Variants in GARIN5A observed in about 807,000 individuals in gnomAD.
GARIN5A encodes the protein golgi associated RAB2 interactor 5A, also known as Golgi-associated RAB2 interactor protein 5A.
At chr19:50,475,459 G>C in the GARIN5A span, 24 of 1,602,018 alleles carry the variant, frequency 1.5e-5, no homozygotes, top group Non-Finnish European at 2.0e-5. Context: ...GAGTCACCTG[G>C]GGCCAGAGGT....
At chr19:50,475,810 G>C in the GARIN5A span, 2 of 1,552,202 alleles carry the variant, frequency 1.3e-6, no homozygotes, top group African/African-American at 1.4e-5. Context: ...GGCTGGGGAT[G>C]AGGGGGTTCT....
the GARIN5A span, among the ~76,000 whole-genome samples, chr19:50,472,107 C>CAT: frequency 1.0e-4 from 13 of 124,624 alleles, no homozygotes; most frequent in African/African-American, 3.8e-4. Context: ...TGTATATATA[C>CAT]GTGTGTATAT....
At chr19:50,470,111 G>A in the GARIN5A span, among the ~76,000 whole-genome samples, 20 of 152,332 alleles carry the variant, frequency 1.3e-4, no homozygotes, top group African/African-American at 4.6e-4. Flanking sequence ...AAACCAAGCC[G>A]TCTGAGGGCA....
the GARIN5A span, chr19:50,476,654 G>C: frequency 6.6e-7 from 1 of 1,526,642 alleles, no homozygotes; most frequent in South Asian, 1.2e-5. Flanking sequence ...ACTGGTGCGC[G>C]AGGGGTGAGT....
At chr19:50,475,846 C>G in the GARIN5A span, 2 of 1,613,290 alleles carry the variant, frequency 1.2e-6, no homozygotes, top group Non-Finnish European at 8.5e-7. Flanking sequence ...TACGAAGTTG[C>G]TCTCAAAGAT....
chr19:50,476,552 C>T, the GARIN5A span: 20 of 1,573,238 alleles, frequency 1.3e-5, no homozygotes, highest in Admixed American at 1.8e-5. Context: ...GAGATGGCGG[C>T]AGCCAGCGCT....
At chr19:50,476,353 C>T in the GARIN5A span, 6 of 1,574,762 alleles carry the variant, frequency 3.8e-6, no homozygotes, top group Admixed American at 1.8e-5. Context: ...CTGGAGGGGG[C>T]GGCTCCTGGA....
the GARIN5A span, chr19:50,467,568 C>T: frequency 6.5e-7 from 1 of 1,538,992 alleles, no homozygotes. Context: ...CCTCCCACTC[C>T]CTCTGGGCCT....
chr19:50,476,098 C>T, the GARIN5A span: 4 of 1,611,564 alleles, frequency 2.5e-6, no homozygotes, highest in South Asian at 3.3e-5. Flanking sequence ...TCACCAGGTC[C>T]AACCCCTCTA....
the GARIN5A span, chr19:50,476,622 G>A: frequency 2.6e-6 from 4 of 1,556,210 alleles, no homozygotes; most frequent in African/African-American, 5.5e-5. Flanking sequence ...GTCGAGCCCG[G>A]GGCAGCGGCT....
the GARIN5A span, among the ~76,000 whole-genome samples, chr19:50,472,090 A>ATGTATATGTATATGTATATATACGTG: frequency 8.8e-5 from 10 of 113,330 alleles, no homozygotes; most frequent in Admixed American, 8.2e-4. Flanking sequence ...ATGTGTGTAT[A>ATGTATATGTATATGTATATATACGTG]TGTATATGTA....
the GARIN5A span, among the ~76,000 whole-genome samples, chr19:50,471,984 ATATGTATATATACGTG>A: frequency 2.7e-5 from 4 of 149,522 alleles, no homozygotes; most frequent in Admixed American, 1.3e-4. Flanking sequence ...GTATGTGTGT[ATATGTATATATACGTG>A]TATGTATATA....
chr19:50,472,243 T>TG, the GARIN5A span, among the ~76,000 whole-genome samples: 827 of 133,900 alleles, frequency 6.2e-3, 23 homozygotes, highest in African/African-American at 0.024. Flanking sequence ...TATGTGTGTA[T>TG]TATATATACA....
chr19:50,473,968 T>A, the GARIN5A span, among the ~76,000 whole-genome samples: 25 of 151,960 alleles, frequency 1.6e-4, no homozygotes, highest in Non-Finnish European at 3.2e-4. Flanking sequence ...GCCTGGAGAC[T>A]CTGTCTCAAA....
chr19:50,476,267 C>T, the GARIN5A span: 2 of 1,609,132 alleles, frequency 1.2e-6, no homozygotes, highest in Non-Finnish European at 8.5e-7. Flanking sequence ...CGGGACTACG[C>T]GCACTGTGAC....
At chr19:50,476,786 A>C in the GARIN5A span, 3 of 626,466 alleles carry the variant, frequency 4.8e-6, no homozygotes, top group Admixed American at 1.1e-4. Flanking sequence ...GATCCCTGGA[A>C]AGCCAGGCCT....
At chr19:50,467,892 G>T in the GARIN5A span, 25 of 1,521,426 alleles carry the variant, frequency 1.6e-5, no homozygotes, top group South Asian at 2.7e-4. Flanking sequence ...CACCGTCGGG[G>T]TCAGGGGTCC....
chr19:50,475,225 C>T, the GARIN5A span: 1 of 1,458,846 alleles, frequency 6.9e-7, no homozygotes, highest in Non-Finnish European at 9.0e-7. Context: ...CTGCCAGCTC[C>T]TGGCCCTGGG....
the GARIN5A span, among the ~76,000 whole-genome samples, chr19:50,469,220 C>T: frequency 2.0e-5 from 3 of 152,186 alleles, no homozygotes; most frequent in South Asian, 2.1e-4. Context: ...AGGCTCAGTC[C>T]GACCCTAGCA....
Sources: gnomAD v4.1 joint callset for allele counts (sites outside exome capture counted in the v4.1 genomes callset) on GRCh38, gnomAD v4.1.1 for gene constraint, MANE v1.5 for transcripts, NCBI Gene and HGNC (gene_info 2026-07-23, HGNC 2026-07-21) for gene names.